The following BTBD1 variants were observed in gnomAD, a reference collection of about 807,000 sequenced individuals.
The protein encoded by BTBD1 is BTB domain containing 1, also known as BTB/POZ domain-containing protein 1.
Under a neutral mutation model 48.0 loss-of-function variants are expected in BTBD1, and 34 were observed. That is an observed-to-expected ratio of 0.71 (90% confidence interval 0.54 to 0.94). BTBD1 has a LOEUF of 0.94. Among genes scored for constraint, BTBD1 ranks in the 40% least tolerant of loss-of-function variants. BTBD1 has a pLI of 0.00. For synonymous variants in BTBD1, 261 were observed against 242.1 expected (o/e 1.08, Z -0.72); for missense variants, 543 against 625.6 (o/e 0.87, Z 1.41).
Position 83,037,091 on chromosome 15 carries a change from T to C in BTBD1, c.862+4637A>G, listed in dbSNP as rs557121519. On this transcript the variant is annotated intron_variant, in intron 4 of 7. Transcript: ENST00000261721. ...CTTATCAGCAAAAACAAAAACAATC[T>C]TGGAGAAAATTGGAACAAGTATAAG... Among the ~76,000 whole-genome samples the C allele has an allele frequency of 2.0e-5, 3 of 151,374 alleles. No homozygotes were observed. In the South Asian group the frequency reaches 6.3e-4, roughly 32 times the overall value.
intron 5 of BTBD1, among the ~76,000 whole-genome samples, chr15:83,023,090 TTC>T (rs1466551031): frequency 1.3e-5 from 2 of 152,230 alleles, no homozygotes; most frequent in East Asian, 3.8e-4. Context: ...TCCTTTATAT[TTC>T]TTTTTCAGTT....
intron 1 of BTBD1, among the ~76,000 whole-genome samples, chr15:83,058,332 T>C (rs1477771899): frequency 6.6e-6 from 1 of 152,270 alleles, no homozygotes; most frequent in Non-Finnish European, 1.5e-5. Context: ...ACCTCTCTTT[T>C]TCTCTTCATT....
At chr15:83,065,032 G>T (rs1362818710) in intron 1 of BTBD1, among the ~76,000 whole-genome samples, 1 of 152,048 alleles carries the variant, frequency 6.6e-6, no homozygotes, top group East Asian at 1.9e-4. Context: ...GTCTTTTCAC[G>T]TTGTAACCAT....
At chr15:83,022,070 G>C (rs1411533683) in intron 5 of BTBD1, among the ~76,000 whole-genome samples, 2 of 152,038 alleles carry the variant, frequency 1.3e-5, no homozygotes, top group Non-Finnish European at 2.9e-5. Context: ...TAAAGAGATG[G>C]AGTCTTGCTC....
At chr15:83,041,584 G>A (rs2032760854) in intron 4 of BTBD1, 144 bp downstream of exon 4, 1 of 690,680 alleles carries the variant, frequency 1.4e-6, no homozygotes, top group African/African-American at 1.8e-5. Context: ...TGTTGACAAG[G>A]CTGGTGTCGA....
At chr15:83,041,239 C>T (rs542402773) in intron 4 of BTBD1, among the ~76,000 whole-genome samples, 26 of 151,366 alleles carry the variant, frequency 1.7e-4, no homozygotes, top group African/African-American at 5.8e-4. Context: ...AACTTTACTT[C>T]TCTAACCTAT....
At chr15:83,042,760 A>C (rs2032793203) in intron 3 of BTBD1, among the ~76,000 whole-genome samples, 1 of 152,256 alleles carries the variant, frequency 6.6e-6, no homozygotes, top group Non-Finnish European at 1.5e-5. Flanking sequence ...GGAGAAACAG[A>C]TTAAATAAAC....
chr15:83,055,173 C>T (rs765190384), intron 2 of BTBD1, among the ~76,000 whole-genome samples: 3 of 152,092 alleles, frequency 2.0e-5, no homozygotes, highest in African/African-American at 2.4e-5. Context: ...ATAACAAATG[C>T]TAAATACTAT....
chr15:83,025,062 A>T (rs1384041734), intron 5 of BTBD1, among the ~76,000 whole-genome samples: 1 of 152,110 alleles, frequency 6.6e-6, no homozygotes, highest in Non-Finnish European at 1.5e-5. Context: ...AACTGTTAAG[A>T]ATTTTGCCAG....
chr15:83,030,273 A>C lies in BTBD1; in HGVS notation c.918T>G (p.His306Gln). 1 of 1,614,102 alleles carries C rather than the reference A, an allele frequency of 6.2e-7. No homozygotes were observed. The highest frequency in any genetic ancestry group is 8.5e-7 in the Non-Finnish European group (1 of 1,180,004). The stretch of plus-strand genomic sequence containing the variant: ...CTCGGGGTTTAGGGTTGACAGTAAA[A>C]TGAAGAAAGAGGTTTACCACTTCAC... ...SDREVVNLFL[H>Q]FTVNPKPRVE... The change falls in exon 5 of 8, where the codon CAT (histidine) becomes CAG (glutamine). Residue 306 changes from histidine to glutamine, a missense_variant. His to Gln is a conservative substitution (Grantham distance 24). Transcript: ENST00000261721.
Position 83,066,852 on chromosome 15 carries a change from G to T in BTBD1, c.300C>A (p.Gly100=). The T allele has an allele frequency of 6.9e-7, 1 of 1,452,604 alleles. No individual in the cohort carries two copies. Among genetic ancestry groups the T allele is most frequent in the Non-Finnish European group, 9.0e-7 (1 of 1,106,206 alleles). The allele number at this position is 1,452,604 out of a possible 1,614,324, so 90.0% of individuals were successfully genotyped here. ...TGAACATGGCGTCAAAGACGGCGCT[G>T]CCGGCCGCCAGCACGAAGCGGTGGG... ...IPAHRFVLAA[G]SAVFDAMFNG... Residue 100 remains glycine (G), a synonymous_variant, in exon 1 of 8, where the codon GGC becomes GGA. Transcript: ENST00000261721.
At chr15:83,062,840 C>T (rs1461998333) in intron 1 of BTBD1, among the ~76,000 whole-genome samples, 2 of 152,098 alleles carry the variant, frequency 1.3e-5, no homozygotes, top group Non-Finnish European at 2.9e-5. Context: ...CCAGCCATCA[C>T]GTCATTCTCT....
intron 3 of BTBD1, chr15:83,044,679 A>G: frequency 6.7e-7 from 1 of 1,501,634 alleles, no homozygotes; most frequent in East Asian, 2.3e-5. Context: ...GAAGGAAAAC[A>G]CAATAACAAG....
At chr15:83,022,033 A>G (rs1344961541) in intron 5 of BTBD1, among the ~76,000 whole-genome samples, 2 of 151,954 alleles carry the variant, frequency 1.3e-5, no homozygotes, top group South Asian at 2.1e-4. Context: ...AGATCACCTT[A>G]AACGCTTACA....
At chr15:83,031,643 G>A (rs930342814) in intron 4 of BTBD1, among the ~76,000 whole-genome samples, 8 of 152,134 alleles carry the variant, frequency 5.3e-5, no homozygotes, top group African/African-American at 9.7e-5. Flanking sequence ...CAGCGGGAGG[G>A]GGAAGGGATA....
intron 5 of BTBD1, among the ~76,000 whole-genome samples, chr15:83,027,805 T>C (rs963008350): frequency 6.6e-6 from 1 of 152,224 alleles, no homozygotes; most frequent in African/African-American, 2.4e-5. Flanking sequence ...ATGCTGCTCA[T>C]GATATTTAAG....
chr15:83,045,295 G>T (rs905834322), intron 3 of BTBD1, among the ~76,000 whole-genome samples: 2 of 152,062 alleles, frequency 1.3e-5, no homozygotes, highest in African/African-American at 4.8e-5. Context: ...AGGAGTTCGA[G>T]ACCACCCTGG....
chr15:83,050,430 T>TTGTGTGTGTG (rs71927319), intron 2 of BTBD1, among the ~76,000 whole-genome samples: 7,865 of 146,180 alleles, frequency 0.054, 265 homozygotes, highest in Middle Eastern at 0.13. Flanking sequence ...TTTTATGTGC[T>TTGTGTGTGTG]TGTGTGTGTG....
At chr15:83,043,881 A>G (rs2032818344) in intron 3 of BTBD1, among the ~76,000 whole-genome samples, 1 of 152,184 alleles carries the variant, frequency 6.6e-6, no homozygotes, top group African/African-American at 2.4e-5. Flanking sequence ...TCATGCCTGT[A>G]CCTCAGGTCC....
Sources: allele counts gnomAD v4.1 joint callset (sites outside exome capture counted in the v4.1 genomes callset), GRCh38; gene constraint gnomAD v4.1.1; transcripts MANE v1.5; gene names NCBI Gene and HGNC (gene_info 2026-07-23, HGNC 2026-07-21).